Variants in DPH6 observed in about 807,000 individuals in gnomAD.
DPH6 encodes diphthamine biosynthesis 6.
A neutral mutation model predicts 38.2 loss-of-function variants in DPH6; 33 were observed. The observed-to-expected ratio is 0.86, with a 90% CI of 0.65 to 1.15. DPH6 has a LOEUF of 1.15. DPH6 is among the 50% of genes most tolerant of loss of function. The pLI is 0.00. For synonymous variants in DPH6, 108 were observed against 103.0 expected, an observed-to-expected ratio of 1.05 and a Z score of -0.30; for missense variants, 325 against 320.0, an observed-to-expected ratio of 1.02 and a Z score of -0.12.
At chr15:35,435,397 A>G (rs2053685243) in intron 5 of DPH6, among the ~76,000 whole-genome samples, 1 of 152,234 alleles carries the variant, frequency 6.6e-6, no homozygotes, top group Non-Finnish European at 1.5e-5. Context: ...TTGAGCAGTA[A>G]TTGATAGATG....
chr15:35,215,627 A>C (rs1939739155), downstream of DPH6, among the ~76,000 whole-genome samples: 1 of 152,138 alleles, frequency 6.6e-6, no homozygotes, highest in Non-Finnish European at 1.5e-5. Flanking sequence ...GGCTTCAAGT[A>C]ATCTTCCTGC....
chr15:35,345,042 A>G lies in DPH6; in HGVS notation n.208-13965T>C, dbSNP rs527354837. ...AGAATACAATTAATCAAAGATGTTAAAATATGGAAAAAATAAAATCAGTAG... is the reference window on the plus strand; with the variant it reads ...AGAATACAATTAATCAAAGATGTTAGAATATGGAAAAAATAAAATCAGTAG... On this transcript the variant is annotated intron_variant and non_coding_transcript_variant, in intron 3 of 3. Transcript: ENST00000558973. Among the ~76,000 whole-genome samples the G allele has an allele frequency of 2.0e-5, 3 of 152,032 alleles. No homozygotes were observed. The East Asian group carries it at 5.8e-4, about 29-fold the overall frequency.
At chr15:35,280,960 T>A (rs984609427) in intron 3 of DPH6, among the ~76,000 whole-genome samples, 1 of 152,166 alleles carries the variant, frequency 6.6e-6, no homozygotes, top group Non-Finnish European at 1.5e-5. Flanking sequence ...TGTGACTTTT[T>A]AAAATTATTA....
At chr15:35,300,832 C>CAGT (rs952339078) in intron 3 of DPH6, among the ~76,000 whole-genome samples, 11 of 152,158 alleles carry the variant, frequency 7.2e-5, no homozygotes, top group Admixed American at 5.9e-4. Context: ...TGTAAGCTTA[C>CAGT]AGGCACACAT....
intron 1 of DPH6, among the ~76,000 whole-genome samples, chr15:35,545,445 C>G (rs957380750): frequency 5.9e-5 from 9 of 152,154 alleles, no homozygotes; most frequent in African/African-American, 2.2e-4. Context: ...GATGAGAGTC[C>G]GAAGCAACAG....
chr15:35,176,165 T>A, the DPH6 span, among the ~76,000 whole-genome samples: 2 of 152,260 alleles, frequency 1.3e-5, no homozygotes, highest in African/African-American at 4.8e-5. Flanking sequence ...TTTTGTAGGA[T>A]GCTAAGCACT....
At chr15:35,468,140 C>G (rs1391210196) in intron 3 of DPH6, among the ~76,000 whole-genome samples, 1 of 152,188 alleles carries the variant, frequency 6.6e-6, no homozygotes, top group African/African-American at 2.4e-5. Flanking sequence ...GTCACCCAAA[C>G]TGAATTTACC....
intron 6 of DPH6, among the ~76,000 whole-genome samples, chr15:35,387,242 T>C (rs1290397237): frequency 6.6e-6 from 1 of 152,212 alleles, no homozygotes; most frequent in African/African-American, 2.4e-5. Context: ...TTGGTTACTG[T>C]AGCCTTGTAG....
the DPH6 span, among the ~76,000 whole-genome samples, chr15:35,184,107 A>G: frequency 6.6e-6 from 1 of 152,220 alleles, no homozygotes; most frequent in Non-Finnish European, 1.5e-5. Context: ...ATCAGACTGC[A>G]ACAGATGTAA....
the DPH6 span, among the ~76,000 whole-genome samples, chr15:35,150,641 C>T: frequency 7.2e-5 from 11 of 152,214 alleles, no homozygotes; most frequent in African/African-American, 1.9e-4. Flanking sequence ...GCCATTACTC[C>T]TACCTCAATG....
chr15:35,214,571 T>G (rs895119944), downstream of DPH6, among the ~76,000 whole-genome samples: 2 of 152,224 alleles, frequency 1.3e-5, no homozygotes, highest in Admixed American at 1.3e-4. Context: ...GTTACCACTA[T>G]GATCCAAGCC....
At chr15:35,439,419 C>G (rs546710383) in intron 5 of DPH6, among the ~76,000 whole-genome samples, 1 of 152,292 alleles carries the variant, frequency 6.6e-6, no homozygotes, top group East Asian at 1.9e-4. Context: ...TGGACACTGT[C>G]AGCATTCTTA....
intron 5 of DPH6, among the ~76,000 whole-genome samples, chr15:35,440,608 T>C (rs1298697213): frequency 6.6e-6 from 1 of 152,152 alleles, no homozygotes; most frequent in East Asian, 1.9e-4. Context: ...CTTATCCTAA[T>C]GGCAGTTATA....
intron 7 of DPH6, among the ~76,000 whole-genome samples, chr15:35,379,126 TC>T (rs1244257475): frequency 2.0e-5 from 3 of 152,222 alleles, no homozygotes; most frequent in Non-Finnish European, 4.4e-5. Flanking sequence ...TGAGTCTACT[TC>T]CGTTGTTACA....
At position 35,381,888 on chromosome 15, in the gene DPH6, C is replaced by T. The variant is rs763186764; in HGVS notation, c.596G>A (p.Cys199Tyr). Reference sequence around the variant, plus strand: ...AGTTTCATACTCTCCACCTTCTCCACAAACATGTACTCCATACTTCTTAGA... The same window carrying T: ...AGTTTCATACTCTCCACCTTCTCCATAAACATGTACTCCATACTTCTTAGA... ...ELSKKYGVHVCGEGGEYETFT... is the reference protein window; with the variant it reads ...ELSKKYGVHVYGEGGEYETFT... The change falls in exon 7 of 9, where the codon TGT becomes TAT. Residue 199 changes from cysteine to tyrosine, a missense_variant. Coordinates refer to ENST00000256538, the MANE Select transcript of DPH6 (RefSeq NM_080650.4). The T allele has an allele frequency of 6.8e-6, 11 of 1,613,672 alleles. No homozygotes were observed. The highest frequency in any genetic ancestry group is 1.7e-5 in the Admixed American group (1 of 59,988).
chr15:35,265,507 A>T (rs2051777571), intron 3 of DPH6, among the ~76,000 whole-genome samples: 1 of 152,186 alleles, frequency 6.6e-6, no homozygotes, highest in Non-Finnish European at 1.5e-5. Context: ...ATAGAAGGAC[A>T]AGGTCTGGTG....
intron 3 of DPH6, among the ~76,000 whole-genome samples, chr15:35,486,422 C>T (rs1034460860): frequency 6.6e-6 from 1 of 152,054 alleles, no homozygotes; most frequent in Non-Finnish European, 1.5e-5. Flanking sequence ...GGGTAGGCCT[C>T]AGAAAACTTA....
At chr15:35,460,860 T>C (rs891746983) in intron 3 of DPH6, among the ~76,000 whole-genome samples, 1 of 116,882 alleles carries the variant, frequency 8.6e-6, no homozygotes, top group African/African-American at 3.3e-5. Flanking sequence ...ATTTTAACAA[T>C]AGAGACGGCA....
the DPH6 span, among the ~76,000 whole-genome samples, chr15:35,176,463 A>G: frequency 6.8e-6 from 1 of 146,452 alleles, no homozygotes; most frequent in Non-Finnish European, 1.5e-5. Flanking sequence ...ATCATTCGAC[A>G]GTTGTAAGGT....
Sources: gnomAD v4.1 joint callset for allele counts (sites outside exome capture counted in the v4.1 genomes callset) on GRCh38, gnomAD v4.1.1 for gene constraint, MANE v1.5 for transcripts, NCBI Gene and HGNC (gene_info 2026-07-23, HGNC 2026-07-21) for gene names.